MOB3B: variants seen among roughly 807,000 people sequenced by gnomAD.
MOB3B encodes the protein MOB kinase activator 3B.
A neutral mutation model predicts 18.7 loss-of-function variants in MOB3B; 7 were observed. The ratio of observed to expected loss-of-function variants is 0.37; its 90% CI spans 0.21 to 0.70. The LOEUF is 0.70. Ranked by LOEUF, MOB3B falls within the 30% of genes least tolerant of loss-of-function variation. The pLI is 0.52. For synonymous variants in MOB3B, 111 were observed against 99.9 expected, an observed-to-expected ratio of 1.11 and a Z score of -0.66; for missense variants, 253 against 281.3, an observed-to-expected ratio of 0.90 and a Z score of 0.72.
intron 2 of MOB3B, among the ~76,000 whole-genome samples, chr9:27,437,236 T>C (rs1822518471): frequency 6.6e-6 from 1 of 152,166 alleles, no homozygotes; most frequent in Admixed American, 6.5e-5. Context: ...TTTAAGAAAA[T>C]AAATTATTTG....
In MOB3B at chr9:27,325,663, T is replaced by C. The variant is rs1019642498; in HGVS notation, c.*4924A>G. 6.6e-6 allele frequency: 1 copy of C among 152,232 alleles called. No homozygotes were observed. The highest frequency in any genetic ancestry group is 2.4e-5 in the African/African-American group (1 of 41,458). The allele number at this position is 152,232 out of a possible 1,614,324, so 9.4% of individuals were successfully genotyped here. On this transcript the variant is annotated 3_prime_UTR_variant, in exon 4 of 4. Coordinates refer to ENST00000262244, the MANE Select transcript of MOB3B (RefSeq NM_024761.5). ...TAATTCTAGGAGAGAATCACCAATT[T>C]CTTCAAGGTCCAAAATGATCAGAAC...
intron 1 of MOB3B, among the ~76,000 whole-genome samples, chr9:27,504,292 A>G (rs1355033493): frequency 6.6e-6 from 1 of 152,218 alleles, no homozygotes; most frequent in Non-Finnish European, 1.5e-5. Context: ...TAAAAGATGC[A>G]GTCCTCATTT....
intron 1 of MOB3B, among the ~76,000 whole-genome samples, chr9:27,458,862 C>T (rs554542587): frequency 5.9e-5 from 9 of 152,064 alleles, no homozygotes; most frequent in South Asian, 2.1e-4. Flanking sequence ...CTCCATTTTA[C>T]AGACAAGGAA....
At chr9:27,392,420 G>A (rs2131383638) in intron 2 of MOB3B, among the ~76,000 whole-genome samples, 1 of 152,158 alleles carries the variant, frequency 6.6e-6, no homozygotes, top group Non-Finnish European at 1.5e-5. Context: ...TAGACTTCTG[G>A]GTTTCAAAAT....
chr9:27,399,438 C>G (rs1348896959), intron 2 of MOB3B, among the ~76,000 whole-genome samples: 1 of 152,198 alleles, frequency 6.6e-6, no homozygotes, highest in Non-Finnish European at 1.5e-5. Flanking sequence ...GGCCAGTGAG[C>G]ATCCTGTACT....
rs372538752 is a variant in MOB3B, at chr9:27,338,647, G to A, written c.622-8031C>T. On this transcript the variant is annotated intron_variant, in intron 3 of 3. Transcript: ENST00000262244. ...AAGTCCATGTGGCAAAGCGGGAACC[G>A]TAGAAGGTGGGAACAACAGCAGGGC... Among the ~76,000 whole-genome samples the A allele has an allele frequency of 4.6e-5, 7 of 152,312 alleles. No homozygotes were observed. The South Asian group carries it at 1.0e-3, about 23-fold the overall frequency.
intron 3 of MOB3B, among the ~76,000 whole-genome samples, chr9:27,349,921 GGTT>G (rs1484590799): frequency 2.0e-5 from 3 of 152,208 alleles, no homozygotes; most frequent in Non-Finnish European, 4.4e-5. Flanking sequence ...TGGAGGGAGT[GGTT>G]GTTAAGAGTG....
At chr9:27,430,919 C>A (rs1488961532) in intron 2 of MOB3B, among the ~76,000 whole-genome samples, 4 of 145,032 alleles carry the variant, frequency 2.8e-5, no homozygotes, top group Non-Finnish European at 4.5e-5. Flanking sequence ...TGCCATCCTG[C>A]CTGCTTGGGA....
At chr9:27,341,329 C>T (rs1485272494) in intron 3 of MOB3B, among the ~76,000 whole-genome samples, 2 of 152,170 alleles carry the variant, frequency 1.3e-5, no homozygotes, top group African/African-American at 4.8e-5. Flanking sequence ...TTTACCTCCC[C>T]TGGGAAAACA....
intron 2 of MOB3B, among the ~76,000 whole-genome samples, chr9:27,416,827 C>T (rs1235297692): frequency 1.3e-5 from 2 of 152,072 alleles, no homozygotes; most frequent in African/African-American, 2.4e-5. Flanking sequence ...TGAGCCACCA[C>T]GGCTAGCTCA....
chr9:27,367,181 C>G (rs1214827773), intron 2 of MOB3B, among the ~76,000 whole-genome samples: 1 of 152,144 alleles, frequency 6.6e-6, no homozygotes, highest in East Asian at 1.9e-4. Flanking sequence ...GCCTGCATAC[C>G]CTGAAATCAA....
chr9:27,472,684 A>C (rs2131468517), intron 1 of MOB3B, among the ~76,000 whole-genome samples: 1 of 147,386 alleles, frequency 6.8e-6, no homozygotes, highest in East Asian at 1.9e-4. Flanking sequence ...ATTCTAAAAA[A>C]AAAAAAAAAA....
chr9:27,460,639 T>C (rs1210849268), intron 1 of MOB3B, among the ~76,000 whole-genome samples: 1 of 152,184 alleles, frequency 6.6e-6, no homozygotes, highest in East Asian at 1.9e-4. Context: ...GGAGAGGGAC[T>C]GAAGCTGATA....
chr9:27,413,636 G>T (rs1456492621), intron 2 of MOB3B, among the ~76,000 whole-genome samples: 1 of 152,206 alleles, frequency 6.6e-6, no homozygotes, highest in African/African-American at 2.4e-5. Context: ...GGGTGTTCCA[G>T]TATTCCAGTT....
intron 1 of MOB3B, among the ~76,000 whole-genome samples, chr9:27,466,747 C>T (rs898409037): frequency 2.6e-5 from 4 of 152,114 alleles, no homozygotes; most frequent in Non-Finnish European, 5.9e-5. Context: ...CATCAGATCT[C>T]GTGAGACTTA....
intron 1 of MOB3B, among the ~76,000 whole-genome samples, chr9:27,491,995 G>A (rs10217637): frequency 1.3e-5 from 2 of 152,236 alleles, no homozygotes; most frequent in African/African-American, 4.8e-5. Context: ...TAAATGGAAA[G>A]TAGTTTACTC....
At chr9:27,486,810 T>C (rs1409068342) in intron 1 of MOB3B, among the ~76,000 whole-genome samples, 1 of 152,044 alleles carries the variant, frequency 6.6e-6, no homozygotes, top group Non-Finnish European at 1.5e-5. Flanking sequence ...ATGTATAAAG[T>C]GGAAAGACTC....
intron 1 of MOB3B, among the ~76,000 whole-genome samples, chr9:27,522,284 GA>G (rs1820348461): frequency 9.0e-6 from 1 of 111,412 alleles, no homozygotes; most frequent in Non-Finnish European, 2.0e-5. Context: ...AAGAAAGAAA[GA>G]AAAAGAAATA....
At chr9:27,331,255 G>T (rs1183496311) in intron 3 of MOB3B, among the ~76,000 whole-genome samples, 2 of 152,148 alleles carry the variant, frequency 1.3e-5, no homozygotes, top group African/African-American at 4.8e-5. Flanking sequence ...CTCCGCACAG[G>T]TTGAGTCCCA....
Sources: gnomAD v4.1 joint callset for allele counts (sites outside exome capture counted in the v4.1 genomes callset) on GRCh38, gnomAD v4.1.1 for gene constraint, MANE v1.5 for transcripts, NCBI Gene and HGNC (gene_info 2026-07-23, HGNC 2026-07-21) for gene names.